ANK2: variants seen among roughly 807,000 people sequenced by gnomAD.
ANK2 encodes the protein ankyrin 2, also known as ankyrin-2.
Under a neutral mutation model 360.5 loss-of-function variants are expected in ANK2, and 83 were observed. That is an observed-to-expected ratio of 0.23 (90% CI 0.19 to 0.28). The LOEUF (loss-of-function observed/expected upper bound fraction) is 0.28, where lower values mean the gene tolerates loss of function less well. Among genes scored for constraint, ANK2 ranks in the 10% least tolerant of loss-of-function variants. ANK2 has a pLI of 1.00. For synonymous variants in ANK2, 1,740 were observed against 1,759.5 expected (o/e 0.99, Z 0.28); for missense variants, 4,201 against 4,795.7 (o/e 0.88, Z 3.66).
At chr4:112,970,093 C>G (rs1352939455) in intron 2 of ANK2, among the ~76,000 whole-genome samples, 3 of 151,860 alleles carry the variant, frequency 2.0e-5, no homozygotes, top group Middle Eastern at 3.2e-3. Context: ...AAGCAATTCT[C>G]CTACCTCAGC....
At chr4:113,012,853 A>G (rs1299040462) in intron 2 of ANK2, among the ~76,000 whole-genome samples, 1 of 152,162 alleles carries the variant, frequency 6.6e-6, no homozygotes, top group Non-Finnish European at 1.5e-5. Flanking sequence ...GTTCATGAGC[A>G]TGCTATTCCA....
intron 1 of ANK2, among the ~76,000 whole-genome samples, chr4:113,172,905 T>C (rs2098037393): frequency 6.6e-6 from 1 of 152,136 alleles, no homozygotes; most frequent in African/African-American, 2.4e-5. Context: ...AACAGCAAAA[T>C]AAATTTCATA....
upstream of ANK2, chr4:113,049,631 C>A: frequency 6.7e-6 from 10 of 1,486,546 alleles, no homozygotes; most frequent in Non-Finnish European, 6.3e-6. Flanking sequence ...CACCCCTCCT[C>A]CTCCTCCTGC....
chr4:113,076,115 A>C (rs1190308978), intron 1 of ANK2, among the ~76,000 whole-genome samples: 2 of 152,238 alleles, frequency 1.3e-5, no homozygotes, highest in Non-Finnish European at 2.9e-5. Flanking sequence ...AGGGGTATCC[A>C]ATCTTTTGGC....
intron 9 of ANK2, among the ~76,000 whole-genome samples, chr4:113,243,335 A>C (rs2041029443): frequency 6.6e-6 from 1 of 152,232 alleles, no homozygotes; most frequent in Non-Finnish European, 1.5e-5. Context: ...TAAAGATCAA[A>C]TCTAGTTTCC....
chr4:113,016,953 A>C (rs7697387), intron 2 of ANK2, among the ~76,000 whole-genome samples: 121,721 of 152,078 alleles, frequency 0.8, 48,673 homozygotes, highest in South Asian at 0.87. Flanking sequence ...TGGCCTGAAT[A>C]CCTTCTCCAG....
chr4:113,347,758 T>A (rs2153997187), intron 35 of ANK2: 1 of 161,334 alleles, frequency 6.2e-6, no homozygotes. Flanking sequence ...TGCTTGAGTC[T>A]AGTAGTTCAA....
At position 113,278,531 on chromosome 4, in the gene ANK2, G is replaced by T. The variant is rs2153701099; in HGVS notation, c.1854G>T (p.Lys618Asn). Residue 618 changes from lysine (K) to asparagine (N), a missense_variant, in exon 17 of 46, where the codon AAG becomes AAT. This residue lies in a region of ANK2 where 1,268 missense variants were observed against 1,650.8 expected (regional missense o/e 0.77). Coordinates refer to ENST00000357077, the MANE Select transcript of ANK2 (RefSeq NM_001148.6). The stretch of plus-strand genomic sequence containing the variant: ...AGGTGGCGCTGCTGTTACTGGAGAA[G>T]GGTGCTTCCCCTCATGCCACTGCCA... ...NQKVALLLLE[K>N]GASPHATAKN... is the part of the protein sequence containing the mutation. 4 of 1,613,942 alleles carry T rather than the reference G, an allele frequency of 2.5e-6. No homozygotes were observed. Among genetic ancestry groups the T allele is most frequent in the Non-Finnish European group, 3.4e-6 (4 of 1,179,924 alleles).
chr4:113,351,353 T>A (rs1416439837), intron 37 of ANK2, among the ~76,000 whole-genome samples: 1 of 152,212 alleles, frequency 6.6e-6, no homozygotes, highest in Non-Finnish European at 1.5e-5. Context: ...TGGAAGTTGC[T>A]TTGAATGAGG....
intron 2 of ANK2, among the ~76,000 whole-genome samples, chr4:113,031,043 A>G (rs1387901308): frequency 6.6e-6 from 1 of 152,080 alleles, no homozygotes; most frequent in African/African-American, 2.4e-5. Context: ...AAGCTTCACT[A>G]AGATAATGAA....
the ANK2 span, among the ~76,000 whole-genome samples, chr4:112,740,926 G>GTTGCAGTGAGCCGAGA: frequency 6.6e-6 from 1 of 151,860 alleles, no homozygotes; most frequent in African/African-American, 2.4e-5. Context: ...GGAGGCAGAG[G>GTTGCAGTGAGCCGAGA]TTGCAGTGAG....
intron 2 of ANK2, among the ~76,000 whole-genome samples, chr4:112,992,754 T>C (rs1718714609): frequency 6.6e-6 from 1 of 152,146 alleles, no homozygotes; most frequent in Admixed American, 6.5e-5. Context: ...TAATCACCTT[T>C]CAAGGATTCC....
chr4:113,359,317 G>T lies in ANK2; in HGVS notation c.10681+18G>T, dbSNP rs1414889617. 8.1e-6 allele frequency: 13 copies of T among 1,612,754 alleles called. No homozygotes were observed. Among genetic ancestry groups the T allele is most frequent in the Non-Finnish European group, 1.1e-5 (13 of 1,179,748 alleles). ...TGCTGAAGGTATTTGCCAGCCACCG[G>T]GATTCCCTGTGCTACGCATGTCATA... is the stretch of plus-strand genomic sequence containing the variant. On this transcript the variant is annotated intron_variant, in intron 38 of 45. Coordinates refer to ENST00000357077, the MANE Select transcript of ANK2 (RefSeq NM_001148.6).
chr4:113,340,075 G>T (rs2094088821), intron 32 of ANK2, among the ~76,000 whole-genome samples: 1 of 152,218 alleles, frequency 6.6e-6, no homozygotes, highest in South Asian at 2.1e-4. Flanking sequence ...CATGTTTATA[G>T]TTCCAGCCAC....
At chr4:112,789,134 G>A in the ANK2 span, among the ~76,000 whole-genome samples, 1 of 152,116 alleles carries the variant, frequency 6.6e-6, no homozygotes, top group African/African-American at 2.4e-5. Context: ...TAAAGAAGTT[G>A]TTGTGCATGG....
At chr4:113,111,470 C>A (rs2094294162) in intron 1 of ANK2, among the ~76,000 whole-genome samples, 1 of 152,068 alleles carries the variant, frequency 6.6e-6, no homozygotes, top group Non-Finnish European at 1.5e-5. Context: ...GGTTAAGAGG[C>A]TTGAGATTGA....
At chr4:113,352,905 A>T in intron 37 of ANK2, 140 bp from the exon 38 acceptor site, 1 of 892,272 alleles carries the variant, frequency 1.1e-6, no homozygotes, top group Non-Finnish European at 1.7e-6. Flanking sequence ...TTGTGGATCT[A>T]CCATTCCCAG....
At position 113,356,865 on chromosome 4, in the gene ANK2, T is replaced by C. The variant is rs772870512; in HGVS notation, c.8247T>C (p.Ala2749=). 6.2e-7 allele frequency: 1 copy of C among 1,614,088 alleles called. No individual in the cohort carries two copies. Among genetic ancestry groups the C allele is most frequent in the South Asian group, 1.1e-5 (1 of 91,084 alleles). Residue 2749 remains alanine (A), a synonymous_variant, in exon 38 of 46, where the codon GCT becomes GCC. Transcript: ENST00000357077. ...SESHLAEDRH[A]VSTEAEDRSY... ...CCCATTTAGCTGAAGACCGTCATGC[T>C]GTTTCCACTGAGGCTGAAGACAGGT...
At chr4:113,077,752 A>G (rs565400983) in intron 1 of ANK2, among the ~76,000 whole-genome samples, 6 of 152,194 alleles carry the variant, frequency 3.9e-5, no homozygotes, top group African/African-American at 7.2e-5. Flanking sequence ...AATCTTGTTC[A>G]CTTTTTACAA....
Sources: allele counts gnomAD v4.1 joint callset (sites outside exome capture counted in the v4.1 genomes callset), GRCh38; gene constraint gnomAD v4.1.1; regional missense constraint gnomAD v4.1.1; transcripts MANE v1.5; gene names NCBI Gene and HGNC (gene_info 2026-07-23, HGNC 2026-07-21).